PPP1R13B: variants seen among roughly 807,000 people sequenced by gnomAD.
The protein encoded by PPP1R13B is protein phosphatase 1 regulatory subunit 13B, also known as apoptosis-stimulating of p53 protein 1.
A neutral mutation model predicts 119.8 loss-of-function variants in PPP1R13B; 44 were observed. The observed-to-expected ratio is 0.37, with a 90% CI of 0.29 to 0.47. PPP1R13B has a LOEUF of 0.47. Among genes scored for constraint, PPP1R13B ranks in the 20% least tolerant of loss-of-function variants. PPP1R13B has a pLI of 0.99. For missense variants in PPP1R13B, 1,227 were observed against 1,413.5 expected (o/e 0.87, Z 2.12); for synonymous variants, 542 against 561.5 (o/e 0.97, Z 0.49).
chr14:103,780,345 G>A (rs2085307414), intron 3 of PPP1R13B, among the ~76,000 whole-genome samples: 2 of 151,524 alleles, frequency 1.3e-5, no homozygotes. Context: ...AAATTAGCTG[G>A]GCGTGGTGGC....
At position 103,784,886 on chromosome 14, in the gene PPP1R13B, C is replaced by T. The variant is rs1259878585; in HGVS notation, c.186G>A (p.Met62Ile). 6.2e-7 allele frequency: 1 copy of T among 1,605,946 alleles called. No homozygotes were observed. The highest frequency in any genetic ancestry group is 8.5e-7 in the Non-Finnish European group (1 of 1,173,862). The change falls in exon 3 of 17, where the codon ATG (methionine) becomes ATA (isoleucine). Residue 62 changes from methionine (M) to isoleucine (I), a missense_variant. Transcript: ENST00000202556. ...NERPIPFDHM[M>I]YEHLQKWGPR... Reference sequence around the variant, plus strand: ...GACCCCATTTCTGAAGATGTTCGTACATCATATGATCAAAGGGTATGGGAC... The same window carrying T: ...GACCCCATTTCTGAAGATGTTCGTATATCATATGATCAAAGGGTATGGGAC...
chr14:103,754,227 A>G lies in PPP1R13B; in HGVS notation c.474T>C (p.Phe158=). Residue 158 remains phenylalanine, a synonymous_variant, in exon 6 of 17, where the codon TTT becomes TTC. Transcript: ENST00000202556. ...GCTGACGGCGCTCCTGTTGCTTTAG[A>G]AAATGTAAACGCTGTTCCTAACAAA... ...MLVAKEQRLH[F]LKQQERRQQQ... is the part of the protein sequence containing the mutation. 2 of 1,612,612 alleles carry G rather than the reference A, an allele frequency of 1.2e-6. No individual in the cohort carries two copies. The highest frequency in any genetic ancestry group is 8.5e-7 in the Non-Finnish European group (1 of 1,179,636).
chr14:103,781,655 T>G (rs139528015), intron 3 of PPP1R13B, among the ~76,000 whole-genome samples: 10 of 152,286 alleles, frequency 6.6e-5, no homozygotes, highest in Admixed American at 2.0e-4. Flanking sequence ...TTGTTTTGTT[T>G]TTGTTGTTGT....
Position 103,740,938 on chromosome 14 carries a change from G to A in PPP1R13B, c.1823-345C>T, listed in dbSNP as rs1003425920. 6.6e-6 allele frequency among the ~76,000 whole-genome samples: 1 copy of A among 152,234 alleles called. No individual in the cohort carries two copies. Among genetic ancestry groups the A allele is most frequent in the African/African-American group, 2.4e-5 (1 of 41,466 alleles). ...GAAAAAGACAAAAACCACTAAACAT[G>A]CATCTGATTCTTGGACTAACTCACA... On this transcript the variant is annotated intron_variant, in intron 11 of 16. Transcript: ENST00000202556. This position sits in a 1 kb window ranked among gnomAD's most constrained non-coding sequence, Gnocchi z 4.6.
In PPP1R13B at chr14:103,785,760, T is replaced by G. The variant is rs75250786; in HGVS notation, c.158-846A>C. Among the ~76,000 whole-genome samples, 758 of 152,158 alleles carry G rather than the reference T, an allele frequency of 5.0e-3. 8 individuals are homozygous for G. Among genetic ancestry groups the G allele is most frequent in the African/African-American group, 0.017 (720 of 41,500 alleles). On this transcript the variant is annotated intron_variant, in intron 2 of 16. Transcript: ENST00000202556. Reference sequence around the variant, plus strand: ...CTCTTGGCCTCCTGGCCTCAGGTGATCCACCCGCCTTGGCCTCCCAAAGTG... The same window carrying G: ...CTCTTGGCCTCCTGGCCTCAGGTGAGCCACCCGCCTTGGCCTCCCAAAGTG...
chr14:103,746,266 T>C lies in PPP1R13B; in HGVS notation c.1150+107A>G, dbSNP rs1418414798. 19 of 1,089,256 alleles carry C rather than the reference T, an allele frequency of 1.7e-5. No individual in the cohort carries two copies. The Admixed American group carries it at 3.9e-4, about 22-fold the overall frequency. The allele number at this position is 1,089,256 out of a possible 1,614,324, so 67.5% of individuals were successfully genotyped here. A position where few individuals can be genotyped will look rare whatever the true frequency, so the allele number is the denominator to read the frequency against. On this transcript the variant is annotated intron_variant, in intron 9 of 16. Transcript: ENST00000202556. The stretch of plus-strand genomic sequence containing the variant: ...GGAGACTGAGCCTGGAGTCTGACGA[T>C]GTGTGGGGCAGAGCCTCAGGAGCCT...
At chr14:103,775,169 C>T (rs1230891533) in intron 4 of PPP1R13B, among the ~76,000 whole-genome samples, 2 of 152,132 alleles carry the variant, frequency 1.3e-5, no homozygotes, top group African/African-American at 2.4e-5. Context: ...ATACAACACA[C>T]CTCACTTCTT....
At chr14:103,844,364 T>C (rs915535918) in intron 1 of PPP1R13B, among the ~76,000 whole-genome samples, 5 of 151,974 alleles carry the variant, frequency 3.3e-5, no homozygotes, top group African/African-American at 1.2e-4. Context: ...AGATGAGAAT[T>C]TGGCCACTCA....
At chr14:103,735,965 G>A (rs781599380) in intron 16 of PPP1R13B, 38 bp downstream of exon 16, 12 of 1,607,064 alleles carry the variant, frequency 7.5e-6, no homozygotes, top group East Asian at 4.5e-5. Flanking sequence ...ACAGAGACAC[G>A]GGCAGCTAGT....
At chr14:103,818,459 C>T (rs537687040) in intron 1 of PPP1R13B, 6 of 967,678 alleles carry the variant, frequency 6.2e-6, no homozygotes, top group Admixed American at 1.2e-4. Flanking sequence ...CTGAATTTCT[C>T]AATGTTAATA....
chr14:103,788,912 C>T (rs980089802), intron 2 of PPP1R13B, among the ~76,000 whole-genome samples: 2 of 152,140 alleles, frequency 1.3e-5, no homozygotes, highest in African/African-American at 2.4e-5. Context: ...TGCAGGACCA[C>T]GTTCCTTTGA....
Position 103,740,598 on chromosome 14 carries a change from G to A in PPP1R13B, c.1823-5C>T, listed in dbSNP as rs748796095. ...GTAAAACGGGCTTACCATACACTGG[G>A]GAAGACACAAAGGACAGGCAATTTT... is the stretch of plus-strand genomic sequence containing the variant. On this transcript the variant is annotated splice_polypyrimidine_tract_variant and splice_region_variant and intron_variant, in intron 11 of 16. Transcript: ENST00000202556. This position sits in a 1 kb window ranked among gnomAD's most constrained non-coding sequence, Gnocchi z 4.6. The A allele has an allele frequency of 2.2e-5, 33 of 1,505,930 alleles. No individual in the cohort carries two copies. The highest frequency in any genetic ancestry group is 2.7e-5 in the Non-Finnish European group (31 of 1,128,158). The allele number at this position is 1,505,930 out of a possible 1,614,324, so 93.3% of individuals were successfully genotyped here. A position where few individuals can be genotyped will look rare whatever the true frequency, so the allele number is the denominator to read the frequency against.
At chr14:103,785,014 G>C in intron 2 of PPP1R13B, 100 bp from the exon 3 acceptor site, 1 of 1,044,798 alleles carries the variant, frequency 9.6e-7, no homozygotes, top group Non-Finnish European at 1.3e-6. Flanking sequence ...ATGCACACAT[G>C]TATGTCTACA....
At chr14:103,737,260 G>C (rs1004193709) in intron 15 of PPP1R13B, 24 of 154,510 alleles carry the variant, frequency 1.6e-4, no homozygotes, top group African/African-American at 5.5e-4. Flanking sequence ...GAAGAAGGTG[G>C]AACAGCTCGA....
intron 1 of PPP1R13B, among the ~76,000 whole-genome samples, chr14:103,827,830 A>C (rs768829793): frequency 1.3e-5 from 2 of 152,086 alleles, no homozygotes; most frequent in Non-Finnish European, 2.9e-5. Context: ...TTATTACCAA[A>C]AGTATAAGCA....
chr14:103,755,486 T>C (rs1319745311), intron 5 of PPP1R13B, among the ~76,000 whole-genome samples: 1 of 152,198 alleles, frequency 6.6e-6, no homozygotes, highest in African/African-American at 2.4e-5. Flanking sequence ...TGCAACATTC[T>C]TCAATAGGGT....
intron 4 of PPP1R13B, among the ~76,000 whole-genome samples, chr14:103,776,158 G>GA (rs2085182160): frequency 7.8e-6 from 1 of 128,378 alleles, no homozygotes; most frequent in African/African-American, 3.0e-5. Context: ...GGAAGGAAGG[G>GA]AGGAAGGGAA....
intron 1 of PPP1R13B, among the ~76,000 whole-genome samples, chr14:103,826,925 T>C (rs952732002): frequency 6.0e-5 from 9 of 150,450 alleles, no homozygotes; most frequent in Non-Finnish European, 1.2e-4. Flanking sequence ...GGCAAGAGAA[T>C]GGCATGAACC....
chr14:103,831,875 G>A (rs2086671510), intron 1 of PPP1R13B, among the ~76,000 whole-genome samples: 1 of 151,840 alleles, frequency 6.6e-6, no homozygotes, highest in African/African-American at 2.4e-5. Flanking sequence ...GGCGGAGGTT[G>A]CAGTGAGCCG....
Sources: gnomAD v4.1 joint callset for allele counts (sites outside exome capture counted in the v4.1 genomes callset) on GRCh38, gnomAD v4.1.1 for gene constraint, Gnocchi (gnomAD v3.1) non-coding constraint, MANE v1.5 for transcripts, NCBI Gene and HGNC (gene_info 2026-07-23, HGNC 2026-07-21) for gene names.